TTC28: variants seen among roughly 807,000 people sequenced by gnomAD.
TTC28 encodes the protein tetratricopeptide repeat domain 28.
A neutral mutation model predicts 198.0 loss-of-function variants in TTC28; 61 were observed. The observed-to-expected ratio is 0.31, with a 90% CI of 0.25 to 0.38. The LOEUF (loss-of-function observed/expected upper bound fraction) is 0.38. Among genes scored for constraint, TTC28 ranks in the 10% least tolerant of loss-of-function variants. The probability of loss-of-function intolerance (pLI) is 1.00; values close to 1 mark genes in which losing one functional copy is unlikely to be tolerated. For missense variants in TTC28, 2,678 were observed against 3,164.0 expected (o/e 0.85, Z 3.69); for synonymous variants, 1,171 against 1,297.8 (o/e 0.90, Z 2.10).
intron 2 of TTC28, among the ~76,000 whole-genome samples, chr22:28,478,145 C>T (rs75269800): frequency 0.019 from 2,945 of 152,304 alleles, 28 homozygotes; most frequent in Non-Finnish European, 0.026. Context: ...TAAACATACA[C>T]TAGACATTTG....
At chr22:28,254,023 G>T (rs1273948275) in intron 5 of TTC28, among the ~76,000 whole-genome samples, 1 of 151,072 alleles carries the variant, frequency 6.6e-6, no homozygotes, top group Non-Finnish European at 1.5e-5. Context: ...AGGATTGCTT[G>T]AACCCAGGAG....
intron 2 of TTC28, among the ~76,000 whole-genome samples, chr22:28,530,976 G>A (rs1306779527): frequency 6.6e-6 from 1 of 152,144 alleles, no homozygotes; most frequent in Non-Finnish European, 1.5e-5. Flanking sequence ...AAAGACCATT[G>A]ATGCTAGGAA....
At chr22:28,260,855 T>A (rs1931267463) in intron 5 of TTC28, among the ~76,000 whole-genome samples, 1 of 152,166 alleles carries the variant, frequency 6.6e-6, no homozygotes. Context: ...CATGTAACAC[T>A]GGTTGTAATT....
intron 5 of TTC28, among the ~76,000 whole-genome samples, chr22:28,260,566 C>T (rs554014499): frequency 1.3e-5 from 2 of 152,238 alleles, no homozygotes; most frequent in Admixed American, 1.3e-4. Context: ...TCATTTTTAA[C>T]ATGATAGATT....
chr22:28,014,153 C>A lies in TTC28; in HGVS notation c.4218+95G>T, dbSNP rs985728928. 34 of 1,402,616 alleles carry A rather than the reference C, an allele frequency of 2.4e-5. No individual in the cohort carries two copies. The South Asian group carries it at 4.6e-4, about 19-fold the overall frequency. The allele number at this position is 1,402,616 out of a possible 1,614,324, so 86.9% of individuals were successfully genotyped here. A position where few individuals can be genotyped will look rare whatever the true frequency, so the allele number is the denominator to read the frequency against. ...GGAAAGCCTCCGGTTGTCTCGGGAG[C>A]CCATTTTGGTGTCTAAGAGGGATAC... On this transcript the variant is annotated intron_variant, in intron 14 of 22. Coordinates refer to ENST00000397906, the MANE Select transcript of TTC28 (RefSeq NM_001145418.2).
intron 6 of TTC28, among the ~76,000 whole-genome samples, chr22:28,142,415 T>C (rs1943362067): frequency 6.6e-6 from 1 of 152,240 alleles, no homozygotes; most frequent in Non-Finnish European, 1.5e-5. Context: ...TTTGTGTTTT[T>C]ATAATTACCC....
At chr22:28,636,006 G>A (rs2051263909) in intron 1 of TTC28, among the ~76,000 whole-genome samples, 2 of 151,040 alleles carry the variant, frequency 1.3e-5, no homozygotes, top group African/African-American at 4.9e-5. Flanking sequence ...CTGTTTTTAT[G>A]AATTCAACAT....
At position 28,105,346 on chromosome 22, in the gene TTC28, A is replaced by G; in HGVS notation, c.3240T>C (p.Tyr1080=). ...CATGATGGGTCCTTCCAAGGCTACT[A>G]TATGACACCGTCTTGGCCGCCAAGT... ...MNDLAAKTVS[Y]SSLGRTHHAL... The change falls in exon 8 of 23, where the codon TAT becomes TAC. Residue 1080 remains tyrosine (Y), a synonymous_variant. Coordinates refer to ENST00000397906, the MANE Select transcript of TTC28 (RefSeq NM_001145418.2). 1 of 1,551,728 alleles carries G rather than the reference A, an allele frequency of 6.4e-7. No homozygotes were observed.
intron 16 of TTC28, chr22:27,997,957 C>G (rs1937580969): frequency 6.5e-6 from 1 of 152,966 alleles, no homozygotes; most frequent in Non-Finnish European, 1.5e-5. Flanking sequence ...GACCAGATGT[C>G]ACAGAAACAT....
intron 12 of TTC28, among the ~76,000 whole-genome samples, chr22:28,092,581 T>C (rs553842744): frequency 1.4e-4 from 21 of 152,192 alleles, no homozygotes; most frequent in African/African-American, 4.3e-4. Context: ...TGGCCAGCCA[T>C]GCCCCTCTAA....
chr22:28,028,853 A>C, intron 13 of TTC28: 1 of 376,276 alleles, frequency 2.7e-6, no homozygotes, highest in Non-Finnish European at 5.4e-6. Context: ...ACATTACAGG[A>C]ACCCTGCAGG....
intron 12 of TTC28, among the ~76,000 whole-genome samples, chr22:28,046,028 C>A (rs1309906103): frequency 6.6e-6 from 1 of 152,164 alleles, no homozygotes. Context: ...CAGGCAAGAG[C>A]ATACATGAAA....
At chr22:28,590,987 CAA>C (rs1337807555) in intron 2 of TTC28, among the ~76,000 whole-genome samples, 1 of 136,740 alleles carries the variant, frequency 7.3e-6, no homozygotes, top group Non-Finnish European at 1.5e-5. Flanking sequence ...GCCTGGGCGA[CAA>C]GAGAGAAACT....
chr22:28,319,665 T>C (rs1165877215), intron 2 of TTC28, among the ~76,000 whole-genome samples: 3 of 152,194 alleles, frequency 2.0e-5, no homozygotes, highest in African/African-American at 7.2e-5. Flanking sequence ...TTTAAAAAAT[T>C]CTCTTCTCAA....
At chr22:28,149,617 T>C (rs999466806) in intron 6 of TTC28, among the ~76,000 whole-genome samples, 1 of 152,178 alleles carries the variant, frequency 6.6e-6, no homozygotes, top group African/African-American at 2.4e-5. Context: ...GAATCATCAA[T>C]ATCATTGCTT....
chr22:28,552,984 T>C (rs2049710320), intron 2 of TTC28, among the ~76,000 whole-genome samples: 1 of 152,104 alleles, frequency 6.6e-6, no homozygotes, highest in African/African-American at 2.4e-5. Flanking sequence ...AGACGGGGTT[T>C]CGCTGTGTTG....
intron 1 of TTC28, among the ~76,000 whole-genome samples, chr22:28,640,680 G>A (rs1158005448): frequency 1.3e-5 from 2 of 152,078 alleles, no homozygotes; most frequent in Admixed American, 1.3e-4. Flanking sequence ...AGAAATGACG[G>A]AAGCTGAAAT....
chr22:28,279,119 AACTGT>A (rs1235115965), intron 5 of TTC28, among the ~76,000 whole-genome samples: 1 of 152,170 alleles, frequency 6.6e-6, no homozygotes, highest in Non-Finnish European at 1.5e-5. Flanking sequence ...CAGTCAAAAG[AACTGT>A]ACAGTGAATA....
At chr22:28,674,216 T>C in intron 1 of TTC28, among the ~76,000 whole-genome samples, 1 of 150,924 alleles carries the variant, frequency 6.6e-6, no homozygotes, top group East Asian at 1.9e-4. Flanking sequence ...AGAAAGGTGA[T>C]GGGGACAGGA....
Sources: gnomAD v4.1 joint callset for allele counts (sites outside exome capture counted in the v4.1 genomes callset) on GRCh38, gnomAD v4.1.1 for gene constraint, MANE v1.5 for transcripts, NCBI Gene and HGNC (gene_info 2026-07-23, HGNC 2026-07-21) for gene names.